Variants in DYM observed in about 807,000 individuals in gnomAD.
DYM encodes dyggve-Melchior-Clausen syndrome protein.
A neutral mutation model predicts 93.1 loss-of-function variants in DYM; 78 were observed. That is an observed-to-expected ratio of 0.84 (90% CI 0.70 to 1.01). The LOEUF (loss-of-function observed/expected upper bound fraction) is 1.01, where lower values mean the gene tolerates loss of function less well. Among genes scored for constraint, DYM ranks in the 50% least tolerant of loss-of-function variants. The pLI is 0.00. For synonymous variants in DYM, 321 were observed against 319.7 expected, an observed-to-expected ratio of 1.00 and a Z score of -0.04; for missense variants, 789 against 845.0, an observed-to-expected ratio of 0.93 and a Z score of 0.82.
At chr18:49,322,127 C>G (rs1053546417) in intron 8 of DYM, among the ~76,000 whole-genome samples, 5 of 152,168 alleles carry the variant, frequency 3.3e-5, no homozygotes, top group Non-Finnish European at 7.4e-5. Flanking sequence ...GTATGAATTT[C>G]TCTATCATAG....
chr18:49,433,075 A>C (rs1358751799), intron 1 of DYM, among the ~76,000 whole-genome samples: 2 of 151,994 alleles, frequency 1.3e-5, no homozygotes, highest in Non-Finnish European at 1.5e-5. Context: ...AAAGGAAGAA[A>C]TTCAAGAAAC....
At chr18:49,225,892 T>C (rs896563134) in intron 13 of DYM, among the ~76,000 whole-genome samples, 3 of 152,166 alleles carry the variant, frequency 2.0e-5, no homozygotes, top group Non-Finnish European at 4.4e-5. Context: ...TTACTTGCTT[T>C]CTGATTTTAA....
intron 8 of DYM, among the ~76,000 whole-genome samples, chr18:49,330,391 C>A (rs1162359600): frequency 1.3e-5 from 2 of 152,024 alleles, no homozygotes; most frequent in East Asian, 1.9e-4. Flanking sequence ...AAACTGAGAG[C>A]TAGGAAAATT....
At chr18:49,095,152 A>G (rs1447433547) in intron 17 of DYM, among the ~76,000 whole-genome samples, 1 of 152,222 alleles carries the variant, frequency 6.6e-6, no homozygotes, top group Admixed American at 6.5e-5. Flanking sequence ...GCTGTCATGT[A>G]GTATCATGTA....
chr18:49,239,972 T>A (rs998466663), intron 13 of DYM, among the ~76,000 whole-genome samples: 8 of 152,228 alleles, frequency 5.3e-5, no homozygotes. Context: ...ATTGTTTTTT[T>A]ATGACTTTTT....
At chr18:49,424,831 T>C (rs1290729102) in intron 2 of DYM, among the ~76,000 whole-genome samples, 2 of 152,092 alleles carry the variant, frequency 1.3e-5, no homozygotes, top group South Asian at 2.1e-4. Flanking sequence ...GAATCCAACT[T>C]ACAAGGGATG....
intron 1 of DYM, among the ~76,000 whole-genome samples, chr18:49,443,281 G>T (rs1046897739): frequency 9.9e-5 from 15 of 152,140 alleles, no homozygotes; most frequent in Non-Finnish European, 2.9e-5. Flanking sequence ...TTTACACATG[G>T]TCTATAGCTG....
intron 8 of DYM, among the ~76,000 whole-genome samples, chr18:49,305,508 T>C (rs1445712364): frequency 6.6e-6 from 1 of 152,076 alleles, no homozygotes; most frequent in Non-Finnish European, 1.5e-5. Flanking sequence ...AGAAGAGAAC[T>C]ACCTTGTCTT....
At chr18:49,375,193 GACACACACACACACACACACACAC>G (rs34631271) in intron 5 of DYM, among the ~76,000 whole-genome samples, 2 of 137,950 alleles carry the variant, frequency 1.4e-5, no homozygotes, top group African/African-American at 5.4e-5. Context: ...AAGGGGAAAA[GACACACACACACACACACACACAC>G]ACACACACAC....
chr18:49,409,736 T>G (rs1028516708), intron 2 of DYM, among the ~76,000 whole-genome samples: 1 of 152,220 alleles, frequency 6.6e-6, no homozygotes, highest in Non-Finnish European at 1.5e-5. Flanking sequence ...ATGGACCATC[T>G]AATAAACTAA....
chr18:49,209,881 AG>A (rs1348081467), intron 13 of DYM, among the ~76,000 whole-genome samples, 166 bp from the exon 14 acceptor site: 1 of 152,234 alleles, frequency 6.6e-6, no homozygotes, highest in African/African-American at 2.4e-5. Context: ...ATGAACAATC[AG>A]AATAAAAAAT....
At chr18:49,424,034 C>G (rs952203680) in intron 2 of DYM, among the ~76,000 whole-genome samples, 8 of 150,592 alleles carry the variant, frequency 5.3e-5, no homozygotes, top group Non-Finnish European at 1.2e-4. Context: ...GGAATCCTCC[C>G]TAACTCATTT....
intron 5 of DYM, among the ~76,000 whole-genome samples, chr18:49,376,588 C>A (rs1273363745): frequency 6.6e-6 from 1 of 152,218 alleles, no homozygotes; most frequent in African/African-American, 2.4e-5. Context: ...ATGCCTTGCA[C>A]ACAGCATTGC....
intron 15 of DYM, among the ~76,000 whole-genome samples, chr18:49,153,840 G>A (rs1332550979): frequency 2.0e-5 from 3 of 152,164 alleles, no homozygotes; most frequent in South Asian, 4.1e-4. Flanking sequence ...AAATTTGTGG[G>A]AAAATTTGTA....
At chr18:49,428,042 G>A (rs1034982201) in intron 2 of DYM, among the ~76,000 whole-genome samples, 4 of 151,698 alleles carry the variant, frequency 2.6e-5, no homozygotes, top group Admixed American at 6.5e-5. Flanking sequence ...AGTGAGCTAC[G>A]ATCGCACCAC....
At chr18:49,424,013 T>C (rs557562238) in intron 2 of DYM, among the ~76,000 whole-genome samples, 11 of 151,990 alleles carry the variant, frequency 7.2e-5, no homozygotes, top group South Asian at 2.1e-4. Flanking sequence ...TTCCAATCAA[T>C]AGAAAAAGAG....
At chr18:49,299,461 T>C (rs577567732) in intron 8 of DYM, among the ~76,000 whole-genome samples, 15 of 152,268 alleles carry the variant, frequency 9.9e-5, no homozygotes, top group African/African-American at 3.6e-4. Flanking sequence ...AGAGACTCCT[T>C]CTTCAAACAA....
chr18:49,318,965 T>A (rs2062239494), intron 8 of DYM, among the ~76,000 whole-genome samples: 1 of 151,306 alleles, frequency 6.6e-6, no homozygotes, highest in Non-Finnish European at 1.5e-5. Flanking sequence ...CACGCCCAAC[T>A]AATTTTTTTT....
intron 2 of DYM, among the ~76,000 whole-genome samples, chr18:49,423,172 A>T (rs2073907189): frequency 6.6e-6 from 1 of 152,236 alleles, no homozygotes; most frequent in African/African-American, 2.4e-5. Flanking sequence ...AATGTAAAAG[A>T]ACAGAAATTA....
Sources: gnomAD v4.1 joint callset for allele counts (sites outside exome capture counted in the v4.1 genomes callset) on GRCh38, gnomAD v4.1.1 for gene constraint, MANE v1.5 for transcripts, NCBI Gene and HGNC (gene_info 2026-07-23, HGNC 2026-07-21) for gene names.